Variants in DLEC1 observed in about 807,000 individuals in gnomAD.
DLEC1 encodes the protein DLEC1 cilia and flagella associated protein.
In DLEC1, 146 loss-of-function variants were observed where a neutral mutation model predicts 198.1. That is an observed-to-expected ratio of 0.74 (90% CI 0.64 to 0.85). DLEC1 has a LOEUF of 0.85. Ranked by LOEUF, DLEC1 falls within the 40% of genes least tolerant of loss-of-function variation. DLEC1 has a pLI of 0.00. For missense variants in DLEC1, 2,233 were observed against 2,220.0 expected (o/e 1.01, Z -0.12); for synonymous variants, 897 against 866.8 (o/e 1.03, Z -0.61).
At position 38,122,713 on chromosome 3, in the gene DLEC1, G is replaced by A; in HGVS notation, c.*301G>A. The A allele has an allele frequency of 1.4e-6, 2 of 1,381,606 alleles. No individual in the cohort carries two copies. The highest frequency in any genetic ancestry group is 9.4e-7 in the Non-Finnish European group (1 of 1,059,326). The allele number at this position is 1,381,606 out of a possible 1,614,324, so 85.6% of individuals were successfully genotyped here. A position where few individuals can be genotyped will look rare whatever the true frequency, so the allele number is the denominator to read the frequency against. ...CTTGGAAAAAAACCACAGCCACTAA[G>A]ATAAATTCATGCACTTTTACTATGC... On this transcript the variant is annotated 3_prime_UTR_variant, in exon 37 of 37. Coordinates refer to ENST00000308059, the MANE Select transcript of DLEC1 (RefSeq NM_007335.4).
intron 19 of DLEC1, among the ~76,000 whole-genome samples, chr3:38,106,755 CAAAA>C (rs4019982): frequency 2.6e-5 from 1 of 38,980 alleles, no homozygotes. Context: ...GACTCTATCT[CAAAA>C]AAAAAAAAAA....
At chr3:38,096,033 G>A (rs1698998665) in intron 14 of DLEC1, 87 bp downstream of exon 14, 1 of 1,523,486 alleles carries the variant, frequency 6.6e-7, no homozygotes. Context: ...ATCAGGTGAG[G>A]GGGAGTGGGC....
At chr3:38,115,245 A>G (rs571362611) in intron 27 of DLEC1, among the ~76,000 whole-genome samples, 192 bp downstream of exon 27, 2 of 152,292 alleles carry the variant, frequency 1.3e-5, no homozygotes, top group East Asian at 3.9e-4. Flanking sequence ...GTTTGGAGGA[A>G]CAGACAATAA....
intron 9 of DLEC1, 126 bp downstream of exon 9, chr3:38,086,503 T>A: frequency 7.7e-7 from 1 of 1,301,656 alleles, no homozygotes; most frequent in Non-Finnish European, 1.0e-6. Flanking sequence ...GTAAACTCTC[T>A]ATGCAACTGC....
intron 2 of DLEC1, among the ~76,000 whole-genome samples, chr3:38,057,229 G>A (rs868834421): frequency 1.3e-5 from 2 of 152,224 alleles, no homozygotes; most frequent in South Asian, 4.1e-4. Context: ...AGTGGCTCAC[G>A]CCTGTAATCC....
In DLEC1 at chr3:38,112,488, C is replaced by T. The variant is rs1333402483; in HGVS notation, c.3666+127C>T. On this transcript the variant is annotated intron_variant, in intron 25 of 36. Transcript: ENST00000308059. This position sits in a 1 kb window ranked among gnomAD's most constrained non-coding sequence, Gnocchi z 4.8. ...ACCTCACCAGGTTGAAACGCGATGC[C>T]CACCGAGCTTGGGATGGGCATTCGT... 7.2e-7 allele frequency: 1 copy of T among 1,396,830 alleles called. No individual in the cohort carries two copies. 86.5% of individuals were successfully genotyped at this position (1,396,830 alleles called of 1,614,324 possible).
At chr3:38,049,708 C>A (rs1472507406) in intron 2 of DLEC1, among the ~76,000 whole-genome samples, 1 of 152,202 alleles carries the variant, frequency 6.6e-6, no homozygotes. Flanking sequence ...CCACCCATAA[C>A]CTGGGGCAGG....
intron 6 of DLEC1, among the ~76,000 whole-genome samples, chr3:38,068,058 A>G (rs750454846): frequency 6.6e-5 from 10 of 151,584 alleles, no homozygotes; most frequent in Non-Finnish European, 1.2e-4. Context: ...CTGGCCAAGT[A>G]TCTGCACTTC....
rs1270125717 is a variant in DLEC1 at position 38,116,565 on chromosome 3, G to A, written c.3969G>A (p.Glu1323=). ...CGCTGCGGGACCAAGCCGGGAATGA[G>A]CTTGTGTGCCCTGATACCCCTGAGG... ...PFPLRDQAGN[E]LVCPDTPEGG... is the part of the protein sequence containing the mutation. Residue 1323 remains glutamate, a synonymous_variant, in exon 28 of 37, where the codon GAG becomes GAA. Transcript: ENST00000308059. The A allele has an allele frequency of 1.2e-6, 2 of 1,614,124 alleles. No homozygotes were observed. The highest frequency in any genetic ancestry group is 1.7e-5 in the Admixed American group (1 of 60,020).
At chr3:38,075,791 G>C (rs1008506979) in intron 6 of DLEC1, among the ~76,000 whole-genome samples, 1 of 152,082 alleles carries the variant, frequency 6.6e-6, no homozygotes, top group Non-Finnish European at 1.5e-5. Flanking sequence ...AGCGGGACTT[G>C]CCACTAAGGG....
intron 21 of DLEC1, among the ~76,000 whole-genome samples, chr3:38,108,946 T>C (rs1229557077): frequency 6.6e-6 from 1 of 152,226 alleles, no homozygotes; most frequent in Non-Finnish European, 1.5e-5. Flanking sequence ...TGCTCAGTCA[T>C]AGGGCCGTTC....
chr3:38,058,193 T>C (rs1001123267), intron 2 of DLEC1, among the ~76,000 whole-genome samples: 2 of 152,212 alleles, frequency 1.3e-5, no homozygotes, highest in Admixed American at 1.3e-4. Context: ...AAAGCTCTCC[T>C]GGTAATATTT....
At chr3:38,075,150 T>G (rs1309695594) in intron 6 of DLEC1, among the ~76,000 whole-genome samples, 1 of 151,922 alleles carries the variant, frequency 6.6e-6, no homozygotes, top group East Asian at 1.9e-4. Flanking sequence ...CTGGAAAGAT[T>G]CAACGACGCT....
intron 23 of DLEC1, among the ~76,000 whole-genome samples, chr3:38,110,631 T>TA (rs769246768): frequency 7.3e-4 from 110 of 151,680 alleles, no homozygotes; most frequent in Non-Finnish European, 1.2e-3. Flanking sequence ...AGTTCAGGAG[T>TA]AGGGAGTCTT....
intron 2 of DLEC1, among the ~76,000 whole-genome samples, chr3:38,050,335 A>C (rs1393106877): frequency 1.3e-5 from 2 of 152,206 alleles, no homozygotes; most frequent in Admixed American, 6.5e-5. Context: ...TACTGGCTGA[A>C]GTTGTTAATG....
chr3:38,052,980 C>T (rs1161058523), intron 2 of DLEC1, among the ~76,000 whole-genome samples: 8 of 152,298 alleles, frequency 5.3e-5, no homozygotes, highest in Non-Finnish European at 8.8e-5. Context: ...TTGGTGGAGA[C>T]GGGGTTTCGC....
chr3:38,117,726 TC>T, intron 32 of DLEC1, 79 bp from the exon 33 acceptor site: 1 of 795,282 alleles, frequency 1.3e-6, no homozygotes, highest in Non-Finnish European at 2.0e-6. Flanking sequence ...CCCCCAGCCC[TC>T]CCAGCCCTAC....
chr3:38,039,749 G>T, intron 1 of DLEC1, 113 bp downstream of exon 1: 1 of 1,395,976 alleles, frequency 7.2e-7, no homozygotes. Flanking sequence ...CTGCAGTTGA[G>T]AAACAGCCCA....
At position 38,096,578 on chromosome 3, in the gene DLEC1, G is replaced by A. The variant is rs75287996; in HGVS notation, c.2181G>A (p.Ala727=). ...GTGGGTTTGTGTTTAGTTCAGAAGC[G>A]GAGAGCCTGGGGCACTCCTCCTACT... ...EEVPEPVSSE[A]ESLGHSSYSV... The change falls in exon 15 of 37, where the codon GCG becomes GCA. Residue 727 remains alanine (A), a synonymous_variant. Coordinates refer to ENST00000308059, the MANE Select transcript of DLEC1 (RefSeq NM_007335.4). 2,358 of 1,610,884 alleles carry A rather than the reference G, an allele frequency of 1.5e-3. 24 individuals carry two copies. The African/African-American group carries it at 0.027, about 19-fold the overall frequency.
Sources: gnomAD v4.1 joint callset for allele counts (sites outside exome capture counted in the v4.1 genomes callset) on GRCh38, gnomAD v4.1.1 for gene constraint, Gnocchi (gnomAD v3.1) non-coding constraint, MANE v1.5 for transcripts, NCBI Gene and HGNC (gene_info 2026-07-23, HGNC 2026-07-21) for gene names.